GRID2: variants seen among roughly 807,000 people sequenced by gnomAD.
The protein encoded by GRID2 is glutamate ionotropic receptor delta type subunit 2.
GRID2 carries 33 observed loss-of-function variants against 114.8 expected under a neutral mutation model. The ratio of observed to expected loss-of-function variants is 0.29; its 90% confidence interval spans 0.22 to 0.38. GRID2 has a LOEUF of 0.38. Among genes scored for constraint, GRID2 ranks in the 10% least tolerant of loss-of-function variants. The probability of loss-of-function intolerance (pLI) is 1.00; values close to 1 mark genes in which losing one functional copy is unlikely to be tolerated. For synonymous variants in GRID2, 505 were observed against 449.9 expected (o/e 1.12, Z -1.55); for missense variants, 1,184 against 1,257.7 (o/e 0.94, Z 0.89).
intron 2 of GRID2, among the ~76,000 whole-genome samples, chr4:92,602,224 A>G (rs1485375466): frequency 6.6e-6 from 1 of 151,376 alleles, no homozygotes; most frequent in Non-Finnish European, 1.5e-5. Flanking sequence ...AAAAGAAAAG[A>G]AAAGAAAAAA....
At chr4:93,115,191 A>G (rs1733124368) in intron 4 of GRID2, among the ~76,000 whole-genome samples, 1 of 151,874 alleles carries the variant, frequency 6.6e-6, no homozygotes. Context: ...ACAAGAGTCT[A>G]TTTATTTCTA....
chr4:92,468,233 T>C (rs1179652010), intron 1 of GRID2, among the ~76,000 whole-genome samples: 7 of 152,044 alleles, frequency 4.6e-5, no homozygotes, highest in Admixed American at 1.3e-4. Flanking sequence ...CATTGACTAA[T>C]ACAATTCCAT....
chr4:92,305,478 T>C (rs1725335459), intron 1 of GRID2, among the ~76,000 whole-genome samples: 1 of 152,082 alleles, frequency 6.6e-6, no homozygotes, highest in South Asian at 2.1e-4. Context: ...GGGAAGCGAA[T>C]GCGCGCAGGC....
chr4:93,123,722 T>C (rs1734002184), intron 4 of GRID2, among the ~76,000 whole-genome samples: 1 of 152,168 alleles, frequency 6.6e-6, no homozygotes, highest in Admixed American at 6.5e-5. Context: ...ATTGGCAATG[T>C]ATGAGTTACA....
intron 13 of GRID2, among the ~76,000 whole-genome samples, chr4:93,591,433 T>C (rs2149613945): frequency 6.6e-6 from 1 of 152,174 alleles, no homozygotes; most frequent in East Asian, 1.9e-4. Context: ...ATAAGCTTTT[T>C]GATGTGCTGC....
At chr4:92,396,422 C>T (rs1730494661) in intron 1 of GRID2, among the ~76,000 whole-genome samples, 1 of 151,854 alleles carries the variant, frequency 6.6e-6, no homozygotes, top group Non-Finnish European at 1.5e-5. Context: ...CTGATATGTG[C>T]TTTTATATAC....
intron 2 of GRID2, among the ~76,000 whole-genome samples, chr4:92,742,075 CTG>C (rs1275069838): frequency 6.6e-6 from 1 of 151,940 alleles, no homozygotes; most frequent in Non-Finnish European, 1.5e-5. Context: ...GAATTATACT[CTG>C]ATATAATATA....
chr4:92,506,924 G>A (rs187861281), intron 1 of GRID2, among the ~76,000 whole-genome samples: 15 of 151,598 alleles, frequency 9.9e-5, no homozygotes. Flanking sequence ...TCTTCATCTT[G>A]TTCTCTATTT....
Position 93,229,609 on chromosome 4 carries a change from T to C in GRID2, c.1125+4834T>C, listed in dbSNP as rs570667352. On this transcript the variant is annotated intron_variant, in intron 7 of 15. Coordinates refer to ENST00000282020, the MANE Select transcript of GRID2 (RefSeq NM_001510.4). ...GTTGAAATTTTTAATTACATTCAAA[T>C]AAATACAAAATGCCTATATTAAGGG... Among the ~76,000 whole-genome samples the C allele has an allele frequency of 2.0e-5, 3 of 152,264 alleles. No homozygotes were observed. The Middle Eastern group carries it at 0.01, about 518-fold the overall frequency.
intron 2 of GRID2, among the ~76,000 whole-genome samples, chr4:93,041,280 T>C (rs1401924941): frequency 1.3e-5 from 2 of 152,170 alleles, no homozygotes; most frequent in Admixed American, 6.5e-5. Flanking sequence ...ATAAAAATAT[T>C]GTGTTGGTAA....
chr4:93,259,599 C>T (rs1238761956), intron 8 of GRID2, among the ~76,000 whole-genome samples: 1 of 151,732 alleles, frequency 6.6e-6, no homozygotes, highest in Non-Finnish European at 1.5e-5. Flanking sequence ...CATTGATCAT[C>T]AGGATTTATA....
intron 14 of GRID2, among the ~76,000 whole-genome samples, chr4:93,742,573 C>T (rs945050720): frequency 3.9e-5 from 6 of 152,212 alleles, no homozygotes; most frequent in African/African-American, 1.4e-4. Flanking sequence ...TGTGTCTCTG[C>T]ATCACATTTT....
At chr4:92,478,902 C>A (rs4285958) in intron 1 of GRID2, among the ~76,000 whole-genome samples, 2 of 151,934 alleles carry the variant, frequency 1.3e-5, no homozygotes, top group African/African-American at 4.8e-5. Context: ...CAATTCTTTG[C>A]GGGGGTAAAA....
chr4:92,946,544 G>T (rs1751644413), intron 2 of GRID2, among the ~76,000 whole-genome samples: 1 of 151,900 alleles, frequency 6.6e-6, no homozygotes. Flanking sequence ...TTTTAAACCT[G>T]TTCCATTAAA....
At chr4:93,396,073 C>A (rs1054918643) in intron 9 of GRID2, among the ~76,000 whole-genome samples, 1 of 151,870 alleles carries the variant, frequency 6.6e-6, no homozygotes. Flanking sequence ...ATGAACATAA[C>A]CCTGACCATG....
intron 4 of GRID2, among the ~76,000 whole-genome samples, chr4:93,159,974 C>T (rs1211553738): frequency 1.3e-5 from 2 of 151,700 alleles, no homozygotes; most frequent in African/African-American, 2.4e-5. Flanking sequence ...AGAAGTCACT[C>T]ACATCTCAGT....
chr4:93,715,105 G>T (rs1347344447), intron 14 of GRID2, among the ~76,000 whole-genome samples: 5 of 152,052 alleles, frequency 3.3e-5, no homozygotes, highest in Admixed American at 2.0e-4. Context: ...GTTGATTTTT[G>T]TATATGGTGT....
At chr4:92,977,350 T>C (rs1753940910) in intron 2 of GRID2, among the ~76,000 whole-genome samples, 1 of 151,964 alleles carries the variant, frequency 6.6e-6, no homozygotes, top group Non-Finnish European at 1.5e-5. Flanking sequence ...ACATTCTACA[T>C]CAAAGGAACA....
chr4:92,965,462 A>C (rs886088761), intron 2 of GRID2, among the ~76,000 whole-genome samples: 1 of 35,818 alleles, frequency 2.8e-5, no homozygotes, highest in African/African-American at 1.3e-4. Context: ...AAAAAAAAAA[A>C]AAAAAAAAAA....
Sources: gnomAD v4.1 joint callset for allele counts (sites outside exome capture counted in the v4.1 genomes callset) on GRCh38, gnomAD v4.1.1 for gene constraint, MANE v1.5 for transcripts, NCBI Gene and HGNC (gene_info 2026-07-23, HGNC 2026-07-21) for gene names.